The following SGK3 variants were observed in gnomAD, a reference collection of about 807,000 sequenced individuals.
SGK3 encodes serine/threonine-protein kinase Sgk3.
In SGK3, 47 loss-of-function variants were observed where a neutral mutation model predicts 68.5. The ratio of observed to expected loss-of-function variants is 0.69; its 90% confidence interval spans 0.54 to 0.87. SGK3 has a LOEUF of 0.87. Among genes scored for constraint, SGK3 ranks in the 40% least tolerant of loss-of-function variants. The pLI is 0.00. For synonymous variants in SGK3, 181 were observed against 189.1 expected (o/e 0.96, Z 0.35); for missense variants, 479 against 575.5 (o/e 0.83, Z 1.72).
chr8:66,804,507 TA>T, intron 4 of SGK3, 60 bp downstream of exon 4: 1 of 1,550,332 alleles, frequency 6.5e-7, no homozygotes. Context: ...AGAAGTAAAT[TA>T]ATGTATTCAT....
intron 1 of SGK3, among the ~76,000 whole-genome samples, chr8:66,788,414 G>T (rs1807297255): frequency 6.6e-6 from 1 of 152,186 alleles, no homozygotes; most frequent in Non-Finnish European, 1.5e-5. Flanking sequence ...AGTGATTGCT[G>T]GCAAACCCTA....
At chr8:66,810,754 T>C (rs1392222128) in intron 4 of SGK3, among the ~76,000 whole-genome samples, 2 of 152,076 alleles carry the variant, frequency 1.3e-5, no homozygotes, top group Non-Finnish European at 2.9e-5. Context: ...ATTCTGAAAT[T>C]CCCTTTTTAA....
At chr8:66,842,823 C>T (rs1357927656) in intron 13 of SGK3, among the ~76,000 whole-genome samples, 2 of 152,174 alleles carry the variant, frequency 1.3e-5, no homozygotes, top group African/African-American at 4.8e-5. Context: ...AATCCCAGCA[C>T]TTTGGGAGAC....
chr8:66,856,288 C>T (rs1810503134), intron 16 of SGK3, among the ~76,000 whole-genome samples: 3 of 152,006 alleles, frequency 2.0e-5, no homozygotes, highest in African/African-American at 2.4e-5. Flanking sequence ...AGGATGGTCT[C>T]GACCTCCTGA....
chr8:66,839,528 T>G (rs867549660), intron 10 of SGK3, among the ~76,000 whole-genome samples: 1 of 68,398 alleles, frequency 1.5e-5, no homozygotes, highest in East Asian at 3.5e-4. Context: ...TATATATATA[T>G]ATATATATAT....
Position 66,793,648 on chromosome 8 carries a change from A to T in SGK3, c.-89A>T. ...GATGGAATTTGAACATTACTTCAAG[A>T]GGTTTTGTATTTTGGATTAGTTAAT... is the stretch of plus-strand genomic sequence containing the variant. On this transcript the variant is annotated 5_prime_UTR_variant, in exon 2 of 17. Transcript: ENST00000521198. 1 of 1,190,228 alleles carries T rather than the reference A, an allele frequency of 8.4e-7. No individual in the cohort carries two copies. The highest frequency in any genetic ancestry group is 1.7e-5 in the South Asian group (1 of 57,996). The allele number at this position is 1,190,228 out of a possible 1,614,324, so 73.7% of individuals were successfully genotyped here. A position where few individuals can be genotyped will look rare whatever the true frequency, so the allele number is the denominator to read the frequency against.
intron 13 of SGK3, among the ~76,000 whole-genome samples, chr8:66,843,236 A>G (rs1196147789): frequency 6.6e-6 from 1 of 152,192 alleles, no homozygotes; most frequent in Non-Finnish European, 1.5e-5. Context: ...CACAGTTTCC[A>G]AGGAGAAATG....
chr8:66,744,505 A>G (rs1327807748), intron 1 of SGK3, among the ~76,000 whole-genome samples: 1 of 22,718 alleles, frequency 4.4e-5, no homozygotes, highest in East Asian at 1.2e-3. Flanking sequence ...ATATATATAT[A>G]TATATATATA....
At chr8:66,826,284 A>C (rs1164457410) in intron 6 of SGK3, among the ~76,000 whole-genome samples, 9 of 152,088 alleles carry the variant, frequency 5.9e-5, no homozygotes, top group Non-Finnish European at 1.3e-4. Context: ...CTTCATCTTT[A>C]TAAGAAAAAT....
intron 1 of SGK3, among the ~76,000 whole-genome samples, chr8:66,738,513 G>A (rs1007910524): frequency 2.0e-5 from 3 of 152,042 alleles, no homozygotes; most frequent in Admixed American, 6.6e-5. Context: ...GGCATTCCCC[G>A]GCTATCAGCT....
At chr8:66,790,165 A>G (rs578097845) in intron 1 of SGK3, among the ~76,000 whole-genome samples, 2 of 152,310 alleles carry the variant, frequency 1.3e-5, no homozygotes, top group East Asian at 3.9e-4. Flanking sequence ...TGTGCTCTCC[A>G]CACTCCCACT....
intron 5 of SGK3, among the ~76,000 whole-genome samples, chr8:66,819,296 C>T (rs568554308): frequency 6.6e-6 from 1 of 152,250 alleles, no homozygotes; most frequent in South Asian, 2.1e-4. Flanking sequence ...GGTACAGCTG[C>T]TCTGGAAATC....
chr8:66,716,155 C>T (rs565496094), intron 1 of SGK3, among the ~76,000 whole-genome samples: 1 of 152,184 alleles, frequency 6.6e-6, no homozygotes, highest in Non-Finnish European at 1.5e-5. Context: ...TTTTCCTTTA[C>T]CTTTTCCATT....
intron 1 of SGK3, among the ~76,000 whole-genome samples, chr8:66,740,416 G>T (rs1805444540): frequency 6.6e-6 from 1 of 152,162 alleles, no homozygotes; most frequent in Admixed American, 6.5e-5. Flanking sequence ...TGTAGCTTGA[G>T]TCTCAGCAAT....
intron 15 of SGK3, among the ~76,000 whole-genome samples, chr8:66,848,987 A>G (rs1343024180): frequency 4.6e-5 from 7 of 152,154 alleles, no homozygotes; most frequent in Admixed American, 4.6e-4. Context: ...GCAAGAGCAC[A>G]CGTGCGTCTC....
chr8:66,822,683 A>T (rs1347593437), intron 6 of SGK3, among the ~76,000 whole-genome samples: 1 of 152,118 alleles, frequency 6.6e-6, no homozygotes, highest in African/African-American at 2.4e-5. Flanking sequence ...CAGTGGCATG[A>T]TCTCAGCTCA....
intron 1 of SGK3, among the ~76,000 whole-genome samples, chr8:66,790,386 A>G (rs1346815719): frequency 1.3e-5 from 2 of 152,196 alleles, no homozygotes; most frequent in Non-Finnish European, 2.9e-5. Flanking sequence ...CTTCTGAGAG[A>G]TACAGGCAGC....
At chr8:66,759,621 G>A (rs112410700) in intron 1 of SGK3, among the ~76,000 whole-genome samples, 19,605 of 151,882 alleles carry the variant, frequency 0.13, 2,411 homozygotes, top group African/African-American at 0.32. Context: ...TAGTAGAGAC[G>A]TTGTTTCACC....
chr8:66,795,671 C>A (rs1207176797), intron 2 of SGK3, among the ~76,000 whole-genome samples: 1 of 152,136 alleles, frequency 6.6e-6, no homozygotes, highest in Non-Finnish European at 1.5e-5. Context: ...TGTAGCATTT[C>A]TCTTACCCAG....
Sources: allele counts gnomAD v4.1 joint callset (sites outside exome capture counted in the v4.1 genomes callset), GRCh38; gene constraint gnomAD v4.1.1; transcripts MANE v1.5; gene names NCBI Gene and HGNC (gene_info 2026-07-23, HGNC 2026-07-21).